The following PTGER3 variants were observed in gnomAD, a reference collection of about 807,000 sequenced individuals.
PTGER3 encodes the protein prostaglandin E2 receptor EP3 subtype.
Under a neutral mutation model 34.7 loss-of-function variants are expected in PTGER3, and 22 were observed. That is an observed-to-expected ratio of 0.63 (90% confidence interval 0.45 to 0.91). The LOEUF is 0.91. Among genes scored for constraint, PTGER3 ranks in the 40% least tolerant of loss-of-function variants. The pLI is 0.00. For missense variants in PTGER3, 468 were observed against 519.4 expected (o/e 0.90, Z 0.96); for synonymous variants, 241 against 230.1 (o/e 1.05, Z -0.43).
intron 1 of PTGER3, among the ~76,000 whole-genome samples, chr1:71,014,843 G>A (rs1305211463): frequency 1.3e-5 from 2 of 152,182 alleles, no homozygotes; most frequent in Non-Finnish European, 2.9e-5. Context: ...ACAGATATCT[G>A]CCCATCACAG....
chr1:71,012,474 A>C lies in PTGER3; in HGVS notation c.908T>G (p.Leu303Trp). The C allele has an allele frequency of 6.2e-7, 1 of 1,612,194 alleles. No homozygotes were observed. Among genetic ancestry groups the C allele is most frequent in the Non-Finnish European group, 8.5e-7 (1 of 1,178,918 alleles). ...TGATGTCTGATTGAAGATCATTTTC[A>C]ACATCATTATCTAAGAAAAGGGGAC... ...VCWSPLLIMM[L>W]KMIFNQTSVE... The change falls in exon 2 of 4, where the codon TTG becomes TGG. Residue 303 changes from leucine (L) to tryptophan (W), a missense_variant. Around this residue, in one of 5 missense-constraint regions of PTGER3, gnomAD observed 204 missense variants for 230.8 expected, o/e 0.88. Coordinates refer to ENST00000306666, the MANE Select transcript of PTGER3 (RefSeq NM_198719.2).
intron 2 of PTGER3, among the ~76,000 whole-genome samples, chr1:70,954,939 CA>C (rs1651166827): frequency 6.6e-6 from 1 of 152,026 alleles, no homozygotes; most frequent in African/African-American, 2.4e-5. Flanking sequence ...CCCACAGTTT[CA>C]GAGAATTTTA....
At chr1:70,882,967 A>G (rs566742559) in intron 4 of PTGER3, among the ~76,000 whole-genome samples, 5 of 152,114 alleles carry the variant, frequency 3.3e-5, no homozygotes, top group South Asian at 4.2e-4. Context: ...CTTCTAGTCT[A>G]TCATCTTGGA....
At chr1:71,014,502 C>G (rs1476607624) in intron 1 of PTGER3, among the ~76,000 whole-genome samples, 2 of 152,074 alleles carry the variant, frequency 1.3e-5, no homozygotes, top group African/African-American at 4.8e-5. Flanking sequence ...TGTGGGAGCC[C>G]CAACCCTTTA....
intron 3 of PTGER3, 61 bp downstream of exon 3, chr1:70,974,236 G>A (rs745641607): frequency 2.1e-5 from 34 of 1,594,394 alleles, no homozygotes; most frequent in South Asian, 2.3e-5. Context: ...CATCAACTCC[G>A]ATTAGAACAG....
intron 2 of PTGER3, among the ~76,000 whole-genome samples, chr1:70,989,952 T>C (rs1218891160): frequency 6.6e-6 from 1 of 151,586 alleles, no homozygotes; most frequent in Non-Finnish European, 1.5e-5. Flanking sequence ...TTTGTAAAAA[T>C]ATATATGTGA....
At chr1:70,989,617 C>A (rs1388422295) in intron 2 of PTGER3, among the ~76,000 whole-genome samples, 1 of 152,130 alleles carries the variant, frequency 6.6e-6, no homozygotes, top group Non-Finnish European at 1.5e-5. Flanking sequence ...AGCTGAGAAG[C>A]ACTTGGACTG....
At chr1:70,959,235 G>T (rs188982729) in intron 2 of PTGER3, among the ~76,000 whole-genome samples, 116 of 152,238 alleles carry the variant, frequency 7.6e-4, no homozygotes, top group African/African-American at 2.7e-3. Flanking sequence ...GATAAGAATT[G>T]CATTGAATCT....
intron 4 of PTGER3, among the ~76,000 whole-genome samples, chr1:70,875,892 A>G (rs765365036): frequency 6.6e-6 from 1 of 152,152 alleles, no homozygotes; most frequent in Non-Finnish European, 1.5e-5. Context: ...TAGTGCTGCA[A>G]TAGACATACG....
rs534991496 is a variant in PTGER3, at chr1:70,970,968, AT to A, written c.*761del. Reference sequence around the variant, plus strand: ...ATGGTGAATCAGAAGGCCTACCTGGATTTTTTTATCACTCTAACTGCGCAGC... The same window carrying A: ...ATGGTGAATCAGAAGGCCTACCTGGATTTTTTATCACTCTAACTGCGCAGC... On this transcript the variant is annotated 3_prime_UTR_variant, in exon 4 of 4. Transcript: ENST00000306666. 3 of 985,360 alleles carry A rather than the reference AT, an allele frequency of 3.0e-6. No homozygotes were observed. The highest frequency in any genetic ancestry group is 3.6e-6 in the Non-Finnish European group (3 of 829,922). 61.0% of individuals were successfully genotyped at this position (985,360 alleles called of 1,614,324 possible).
chr1:70,990,353 TCACA>T (rs576448927), intron 2 of PTGER3, among the ~76,000 whole-genome samples: 106 of 130,800 alleles, frequency 8.1e-4, no homozygotes, highest in African/African-American at 2.8e-3. Context: ...CGAGACTGTC[TCACA>T]CACACACACA....
rs534191910 is a variant in PTGER3, at chr1:71,007,758, T to C, written c.1077+4547A>G. On this transcript the variant is annotated intron_variant, in intron 2 of 3. Coordinates refer to ENST00000306666, the MANE Select transcript of PTGER3 (RefSeq NM_198719.2). The stretch of plus-strand genomic sequence containing the variant: ...CTATATTTGAATTACTATTAAAGTT[T>C]AATGATTGGCTGTTTTTGCCTAGAC... 2.9e-4 allele frequency: 289 copies of C among 985,338 alleles called. 4 individuals carry two copies. The South Asian group carries it at 0.011, about 39-fold the overall frequency. The allele number at this position is 985,338 out of a possible 1,614,324, so 61.0% of individuals were successfully genotyped here. A position where few individuals can be genotyped will look rare whatever the true frequency, so the allele number is the denominator to read the frequency against.
rs754390775 is a variant in PTGER3 at position 71,012,318 on chromosome 1, C to T, written c.1064G>A (p.Arg355Gln). The T allele has an allele frequency of 1.5e-5, 24 of 1,614,004 alleles. 1 individual carries two copies. Among genetic ancestry groups the T allele is most frequent in the South Asian group, 7.7e-5 (7 of 91,078 alleles). ...VYLLLRKILL[R>Q]KFCQIRYHTN... The stretch of plus-strand genomic sequence containing the variant: ...AGCATTTGCTACCTGGCAAAACTTT[C>T]GAAGAAGGATCTTTCTTAACAGCAG... The change falls in exon 2 of 4, where the codon CGA becomes CAA. Residue 355 changes from arginine (R) to glutamine (Q), a missense_variant. Arg to Gln is a conservative substitution (Grantham distance 43). This residue lies in a region of PTGER3 where 57 missense variants were observed against 43.8 expected (regional missense o/e 1.30). Coordinates refer to ENST00000306666, the MANE Select transcript of PTGER3 (RefSeq NM_198719.2).
At chr1:70,993,175 T>A (rs1883460) in intron 2 of PTGER3, among the ~76,000 whole-genome samples, 84,045 of 152,006 alleles carry the variant, frequency 0.55, 23,797 homozygotes, top group Middle Eastern at 0.63. Context: ...AACACATTCA[T>A]CTTTAAACCA....
intron 4 of PTGER3, among the ~76,000 whole-genome samples, chr1:70,911,955 A>G (rs1280681221): frequency 2.0e-5 from 3 of 152,192 alleles, no homozygotes; most frequent in South Asian, 2.1e-4. Context: ...CGTGATCCCA[A>G]ATATTCACCA....
intron 4 of PTGER3, among the ~76,000 whole-genome samples, chr1:70,945,348 A>G (rs1650127818): frequency 2.0e-5 from 3 of 152,072 alleles, no homozygotes; most frequent in African/African-American, 7.2e-5. Context: ...TCTCATTTAG[A>G]ACTGTCATTC....
At chr1:70,964,653 C>G (rs1167097980) in intron 2 of PTGER3, among the ~76,000 whole-genome samples, 1 of 152,170 alleles carries the variant, frequency 6.6e-6, no homozygotes, top group African/African-American at 2.4e-5. Flanking sequence ...ATTATGGGAG[C>G]TACAATTCAA....
intron 2 of PTGER3, among the ~76,000 whole-genome samples, chr1:70,963,751 G>A (rs1652212798): frequency 6.6e-6 from 1 of 152,114 alleles, no homozygotes; most frequent in Non-Finnish European, 1.5e-5. Flanking sequence ...AACATGCCCT[G>A]GAGACATTTT....
At chr1:70,890,187 A>G (rs1646586508) in intron 4 of PTGER3, among the ~76,000 whole-genome samples, 1 of 152,238 alleles carries the variant, frequency 6.6e-6, no homozygotes. Context: ...ACAGACAGCA[A>G]CAAAAGTAAT....
Sources: gnomAD v4.1 joint callset for allele counts (sites outside exome capture counted in the v4.1 genomes callset) on GRCh38, gnomAD v4.1.1 for gene constraint, gnomAD v4.1.1 regional missense constraint, MANE v1.5 for transcripts, NCBI Gene and HGNC (gene_info 2026-07-23, HGNC 2026-07-21) for gene names.